The following NCKAP1 variants were observed in gnomAD, a reference collection of about 807,000 sequenced individuals.
NCKAP1 encodes the protein NCK associated protein 1, also known as nck-associated protein 1.
NCKAP1 carries 21 observed loss-of-function variants against 151.2 expected under a neutral mutation model. The observed-to-expected ratio is 0.14, with a 90% CI of 0.10 to 0.20. The LOEUF is 0.20. NCKAP1 is among the 10% of genes least tolerant of loss of function. The probability of loss-of-function intolerance (pLI) is 1.00; values close to 1 mark genes in which losing one functional copy is unlikely to be tolerated. For missense variants in NCKAP1, 933 were observed against 1,352.1 expected (o/e 0.69, Z 4.86); for synonymous variants, 484 against 451.8 (o/e 1.07, Z -0.90).
rs150172000 is a variant in NCKAP1, at chr2:182,914,535, A to T, written c.*11167T>A. ...AGGAAATGGAGATACTCTAGTATGC[A>T]ATTTATATGAAACCCATTACCCACT... is the stretch of plus-strand genomic sequence containing the variant. On this transcript the variant is annotated 3_prime_UTR_variant, in exon 31 of 31. Coordinates refer to ENST00000361354, the MANE Select transcript of NCKAP1 (RefSeq NM_013436.5). 6.6e-5 allele frequency: 10 copies of T among 152,310 alleles called. No individual in the cohort carries two copies. In the East Asian group the frequency reaches 1.9e-3, roughly 29 times the overall value. The allele number at this position is 152,310 out of a possible 1,614,324, so 9.4% of individuals were successfully genotyped here. A position where few individuals can be genotyped will look rare whatever the true frequency, so the allele number is the denominator to read the frequency against.
chr2:182,974,614 T>C (rs1697767907), intron 15 of NCKAP1, among the ~76,000 whole-genome samples: 1 of 152,068 alleles, frequency 6.6e-6, no homozygotes, highest in African/African-American at 2.4e-5. Context: ...ACAACAAAGA[T>C]TACCAGCAAA....
chr2:182,944,406 G>A (rs1697057638), intron 23 of NCKAP1, among the ~76,000 whole-genome samples: 1 of 152,138 alleles, frequency 6.6e-6, no homozygotes, highest in Non-Finnish European at 1.5e-5. Flanking sequence ...AGGATCCCAT[G>A]AAGAACTAGA....
chr2:183,036,926 A>T (rs897346622), intron 1 of NCKAP1, among the ~76,000 whole-genome samples: 7 of 152,214 alleles, frequency 4.6e-5, no homozygotes, highest in Admixed American at 2.0e-4. Flanking sequence ...ACAAATAGTT[A>T]TGAAGGTATG....
chr2:182,966,372 G>A (rs1419138276), intron 16 of NCKAP1, among the ~76,000 whole-genome samples: 1 of 151,116 alleles, frequency 6.6e-6, no homozygotes, highest in African/African-American at 2.4e-5. Context: ...TGCAACCTCC[G>A]CCTCCCAGGT....
At chr2:183,014,767 A>G (rs1698653117) in intron 2 of NCKAP1, among the ~76,000 whole-genome samples, 2 of 152,240 alleles carry the variant, frequency 1.3e-5, no homozygotes, top group East Asian at 1.9e-4. Context: ...CAATGAGAAG[A>G]TAACATGCTA....
chr2:183,038,451 G>C lies in NCKAP1; in HGVS notation c.-352C>G, dbSNP rs1245069033. The C allele has an allele frequency of 5.5e-6, 1 of 182,786 alleles. No homozygotes were observed. The highest frequency in any genetic ancestry group is 1.1e-5 in the Non-Finnish European group (1 of 92,222). 11.3% of individuals were successfully genotyped at this position (182,786 alleles called of 1,614,324 possible). ...CGGCGGCGGCGGCGGCGTCTCCGGC[G>C]GCTGAGAACGAGGCCGCTTCCCGCA... On this transcript the variant is annotated 5_prime_UTR_variant, in exon 1 of 31. Transcript: ENST00000361354.
intron 2 of NCKAP1, among the ~76,000 whole-genome samples, chr2:183,020,444 A>C (rs1309295603): frequency 6.7e-6 from 1 of 149,794 alleles, no homozygotes; most frequent in Non-Finnish European, 1.5e-5. Flanking sequence ...CAGCCTGGGC[A>C]ATAAAGCAGG....
chr2:183,005,069 T>C (rs532012727), intron 2 of NCKAP1, among the ~76,000 whole-genome samples: 2 of 152,274 alleles, frequency 1.3e-5, no homozygotes, highest in South Asian at 4.1e-4. Flanking sequence ...CACATTTTAA[T>C]CATTACTACT....
At chr2:183,031,817 A>G (rs1010664049) in intron 1 of NCKAP1, among the ~76,000 whole-genome samples, 2 of 152,228 alleles carry the variant, frequency 1.3e-5, no homozygotes, top group Non-Finnish European at 2.9e-5. Context: ...CAATAAGACT[A>G]GCAAGGCTTA....
rs1483803862 is a variant in NCKAP1, at chr2:182,913,192, A to G, written c.*12510T>C. On this transcript the variant is annotated 3_prime_UTR_variant, in exon 31 of 31. Transcript: ENST00000361354. ...CAAGGACCAAATCTGGTTCATGTAC[A>G]TGCCAAGCATTTAGGACACTATGTC... 6.6e-6 allele frequency: 1 copy of G among 152,240 alleles called. No individual in the cohort carries two copies. The highest frequency in any genetic ancestry group is 1.5e-5 in the Non-Finnish European group (1 of 68,044). 9.4% of individuals were successfully genotyped at this position (152,240 alleles called of 1,614,324 possible).
At chr2:182,983,406 G>T in intron 10 of NCKAP1, 24 bp from the exon 11 acceptor site, 2 of 1,471,814 alleles carry the variant, frequency 1.4e-6, no homozygotes, top group Non-Finnish European at 1.9e-6. Flanking sequence ...CACCATAATA[G>T]TTTATCTGCT....
intron 20 of NCKAP1, 92 bp from the exon 21 acceptor site, chr2:182,953,423 C>A: frequency 1.3e-6 from 1 of 752,960 alleles, no homozygotes; most frequent in Admixed American, 3.1e-5. Flanking sequence ...TAATATTAAA[C>A]AAGCAATAAA....
At chr2:182,957,367 T>C in intron 19 of NCKAP1, 90 bp downstream of exon 19, 2 of 1,259,338 alleles carry the variant, frequency 1.6e-6, no homozygotes, top group Non-Finnish European at 2.1e-6. Context: ...TATACAATTA[T>C]TAGCATTTCC....
intron 4 of NCKAP1, among the ~76,000 whole-genome samples, 161 bp from the exon 5 acceptor site, chr2:183,002,430 T>C (rs1053291170): frequency 6.6e-6 from 1 of 152,144 alleles, no homozygotes. Flanking sequence ...ATCTAAAATT[T>C]GACAGTTACA....
At chr2:182,950,923 C>T (rs1263206800) in intron 23 of NCKAP1, among the ~76,000 whole-genome samples, 17 of 152,010 alleles carry the variant, frequency 1.1e-4, no homozygotes, top group Admixed American at 1.1e-3. Context: ...ACCTCCGCCT[C>T]CCGGGTTCAA....
chr2:182,969,722 A>C (rs1385993306), intron 15 of NCKAP1, among the ~76,000 whole-genome samples: 1 of 152,124 alleles, frequency 6.6e-6, no homozygotes, highest in Non-Finnish European at 1.5e-5. Context: ...CTAATAATGT[A>C]CCTTAAAGAA....
chr2:182,989,033 C>T lies in NCKAP1; in HGVS notation c.944G>A (p.Arg315Gln), dbSNP rs1166695702. ...KAAEDLFVNI[R>Q]GYNKRINDIR... ...AAAATAAATGAAAATGCCATACCCTCGTATGTTTACAAATAAGTCTTCTGC... is the reference window on the plus strand; with the variant it reads ...AAAATAAATGAAAATGCCATACCCTTGTATGTTTACAAATAAGTCTTCTGC... Residue 315 changes from arginine to glutamine, a missense_variant, in exon 9 of 31, where the codon CGA becomes CAA. This residue lies in a region of NCKAP1 where 607 missense variants were observed against 795.0 expected (regional missense o/e 0.76). Transcript: ENST00000361354. 6.2e-7 allele frequency: 1 copy of T among 1,609,698 alleles called. No homozygotes were observed. The highest frequency in any genetic ancestry group is 8.5e-7 in the Non-Finnish European group (1 of 1,178,816).
At chr2:183,014,674 T>C (rs944112166) in intron 2 of NCKAP1, among the ~76,000 whole-genome samples, 2 of 152,194 alleles carry the variant, frequency 1.3e-5, no homozygotes, top group African/African-American at 4.8e-5. Context: ...TTTATTCCAT[T>C]GTAGCTTTTA....
At chr2:182,973,123 C>T (rs779907733) in intron 15 of NCKAP1, among the ~76,000 whole-genome samples, 24 of 151,990 alleles carry the variant, frequency 1.6e-4, no homozygotes, top group Non-Finnish European at 3.1e-4. Flanking sequence ...ACACTGTATG[C>T]TTGTATCAAA....
Sources: gnomAD v4.1 joint callset for allele counts (sites outside exome capture counted in the v4.1 genomes callset) on GRCh38, gnomAD v4.1.1 for gene constraint, gnomAD v4.1.1 regional missense constraint, MANE v1.5 for transcripts, NCBI Gene and HGNC (gene_info 2026-07-23, HGNC 2026-07-21) for gene names.